Variants in EHMT1 observed in about 807,000 individuals in gnomAD.
EHMT1 encodes histone-lysine N-methyltransferase EHMT1.
A neutral mutation model predicts 147.2 loss-of-function variants in EHMT1; 15 were observed. The ratio of observed to expected loss-of-function variants is 0.10; its 90% CI spans 0.07 to 0.16. EHMT1 has a LOEUF of 0.16. Among genes scored for constraint, EHMT1 ranks in the 10% least tolerant of loss-of-function variants. The probability of loss-of-function intolerance (pLI) is 1.00; values close to 1 mark genes in which losing one functional copy is unlikely to be tolerated. For synonymous variants in EHMT1, 795 were observed against 709.6 expected, an observed-to-expected ratio of 1.12 and a Z score of -1.91; for missense variants, 1,587 against 1,772.4, an observed-to-expected ratio of 0.90 and a Z score of 1.88.
At chr9:137,623,094 T>G (rs1843034911) in intron 1 of EHMT1, among the ~76,000 whole-genome samples, 1 of 150,596 alleles carries the variant, frequency 6.6e-6, no homozygotes, top group Non-Finnish European at 1.5e-5. Flanking sequence ...CCGCCTGTAG[T>G]CCCAGCTACT....
chr9:137,812,590 G>A (rs899623126), intron 19 of EHMT1, among the ~76,000 whole-genome samples: 1 of 152,268 alleles, frequency 6.6e-6, no homozygotes. Flanking sequence ...CCAGCTCCAC[G>A]TACGATGACT....
chr9:137,759,775 C>T (rs577406999), intron 9 of EHMT1, among the ~76,000 whole-genome samples: 7 of 152,298 alleles, frequency 4.6e-5, no homozygotes, highest in African/African-American at 1.4e-4. Context: ...CCGTGTGGCC[C>T]GGGACCCCAG....
intron 18 of EHMT1, 82 bp from the exon 19 acceptor site, chr9:137,811,379 T>C (rs1954473744): frequency 3.1e-6 from 5 of 1,592,806 alleles, no homozygotes; most frequent in Non-Finnish European, 4.3e-6. Flanking sequence ...CCCGGGCACA[T>C]GGGCTGCAGC....
rs79657182 is a variant in EHMT1 at position 137,655,636 on chromosome 9, C to G, written c.21+36587C>G. ...GCCCATTAGGAACTGGGCCACCCAG[C>G]AGGACTTGAGCGGCAGGCTTTGAGT... On this transcript the variant is annotated intron_variant, in intron 1 of 26. Transcript: ENST00000460843. Among the ~76,000 whole-genome samples the G allele has an allele frequency of 3.6e-3, 555 of 152,322 alleles. 3 individuals are homozygous for G. The highest frequency in any genetic ancestry group is 0.013 in the African/African-American group (524 of 41,574).
In EHMT1 at chr9:137,775,287, G is replaced by T. The variant is rs748233505; in HGVS notation, c.1791+35G>T. On this transcript the variant is annotated intron_variant, in intron 11 of 26. Coordinates refer to ENST00000460843, the MANE Select transcript of EHMT1 (RefSeq NM_024757.5). This position sits in a 1 kb window ranked among gnomAD's most constrained non-coding sequence, Gnocchi z 6.1. ...CAGTCCGGCAGCCTCTGAGTCCTCC[G>T]CAGGCTTTGCTGTCTGCTCACTGGT... The T allele has an allele frequency of 1.2e-6, 2 of 1,602,520 alleles. No homozygotes were observed. The highest frequency in any genetic ancestry group is 1.3e-5 in the African/African-American group (1 of 74,950).
intron 1 of EHMT1, among the ~76,000 whole-genome samples, chr9:137,620,308 G>C (rs906888206): frequency 1.3e-5 from 2 of 152,172 alleles, no homozygotes; most frequent in East Asian, 3.8e-4. Context: ...CATTTATGAA[G>C]TACCCACTGG....
chr9:137,750,769 G>A (rs1457212189), intron 6 of EHMT1, among the ~76,000 whole-genome samples: 2 of 152,192 alleles, frequency 1.3e-5, no homozygotes, highest in African/African-American at 2.4e-5. Flanking sequence ...CGGAGGGGGC[G>A]CGGCTGCCGG....
chr9:137,671,815 A>G (rs2134296536), intron 1 of EHMT1, among the ~76,000 whole-genome samples: 1 of 152,336 alleles, frequency 6.6e-6, no homozygotes, highest in South Asian at 2.1e-4. Flanking sequence ...GGCATCAGCC[A>G]CTGTGCCTGG....
chr9:137,806,260 C>T (rs967799945), intron 18 of EHMT1, among the ~76,000 whole-genome samples: 2 of 151,760 alleles, frequency 1.3e-5, no homozygotes, highest in Non-Finnish European at 2.9e-5. Context: ...CACGCCCAGC[C>T]GAGTGGTCTG....
chr9:137,718,760 CTTTTTT>C (rs780405612), intron 3 of EHMT1, among the ~76,000 whole-genome samples: 1 of 136,306 alleles, frequency 7.3e-6, no homozygotes, highest in African/African-American at 2.9e-5. Context: ...TTTTCTTTTT[CTTTTTT>C]TTTTTTTGAG....
intron 1 of EHMT1, among the ~76,000 whole-genome samples, chr9:137,624,757 C>T (rs929907507): frequency 3.3e-5 from 5 of 151,488 alleles, no homozygotes; most frequent in African/African-American, 9.7e-5. Flanking sequence ...CCACTGTTCC[C>T]GGCAGTGATT....
chr9:137,700,434 T>C (rs533771804), intron 1 of EHMT1, among the ~76,000 whole-genome samples: 1 of 152,318 alleles, frequency 6.6e-6, no homozygotes, highest in East Asian at 1.9e-4. Context: ...AATCCTTTTT[T>C]CTCCAGCCAC....
intron 21 of EHMT1, among the ~76,000 whole-genome samples, chr9:137,814,079 G>A (rs868657688): frequency 1.8e-4 from 4 of 21,890 alleles, no homozygotes; most frequent in East Asian, 8.0e-4. Context: ...CCCGCCCCCC[G>A]CCCCACAAGG....
rs1173387991 is a variant in EHMT1, at chr9:137,775,249, A to G, written c.1788A>G (p.Thr596=). Residue 596 remains threonine (T), a synonymous_variant, in exon 11 of 27, where the codon ACA becomes ACG. Transcript: ENST00000460843. The surrounding 1 kb of genome is among the most constrained non-coding windows in gnomAD (Gnocchi z 6.1). ...QCCPGCGYFC[T]AGNFMECQPE... The stretch of plus-strand genomic sequence containing the variant: ...GTCCTGGCTGTGGCTACTTCTGCAC[A>G]GCGGTAAGAGCCCAGTCCGGCAGCC... 6.2e-7 allele frequency: 1 copy of G among 1,610,648 alleles called. No homozygotes were observed. Among genetic ancestry groups the G allele is most frequent in the South Asian group, 1.1e-5 (1 of 91,056 alleles).
chr9:137,811,393 T>G, intron 18 of EHMT1, 68 bp from the exon 19 acceptor site: 1 of 1,603,688 alleles, frequency 6.2e-7, no homozygotes, highest in Non-Finnish European at 8.5e-7. Context: ...CTGCAGCTGC[T>G]GTGGCCCAGC....
chr9:137,814,920 T>TGAG (rs1564814126), intron 22 of EHMT1: 2 of 333,414 alleles, frequency 6.0e-6, no homozygotes, highest in African/African-American at 2.1e-5. Flanking sequence ...GCGCTGGGCT[T>TGAG]GAGGAGACAC....
intron 25 of EHMT1, among the ~76,000 whole-genome samples, chr9:137,821,532 G>A (rs972697622): frequency 6.6e-6 from 1 of 151,920 alleles, no homozygotes; most frequent in Non-Finnish European, 1.5e-5. Flanking sequence ...GAATCTCACT[G>A]TGTTGCCCAG....
intron 9 of EHMT1, among the ~76,000 whole-genome samples, 180 bp downstream of exon 9, chr9:137,758,191 T>G (rs1267902573): frequency 6.6e-6 from 1 of 152,134 alleles, no homozygotes; most frequent in East Asian, 1.9e-4. Context: ...GGTGTTCAAG[T>G]GAAGAAAGAG....
intron 1 of EHMT1, among the ~76,000 whole-genome samples, chr9:137,636,845 G>A (rs1490967801): frequency 6.6e-6 from 1 of 150,932 alleles, no homozygotes; most frequent in Non-Finnish European, 1.5e-5. Context: ...TTGGTCTGTA[G>A]GTACCTCTTT....
Sources: gnomAD v4.1 joint callset for allele counts (sites outside exome capture counted in the v4.1 genomes callset) on GRCh38, gnomAD v4.1.1 for gene constraint, Gnocchi (gnomAD v3.1) non-coding constraint, MANE v1.5 for transcripts, NCBI Gene and HGNC (gene_info 2026-07-23, HGNC 2026-07-21) for gene names.